The following OSBPL3 variants were observed in gnomAD, a reference collection of about 807,000 sequenced individuals.
OSBPL3 encodes oxysterol binding protein like 3.
A neutral mutation model predicts 120.1 loss-of-function variants in OSBPL3; 65 were observed. The ratio of observed to expected loss-of-function variants is 0.54; its 90% CI spans 0.44 to 0.67. The LOEUF is 0.67. Among genes scored for constraint, OSBPL3 ranks in the 30% least tolerant of loss-of-function variants. The pLI is 0.00. For synonymous variants in OSBPL3, 416 were observed against 402.6 expected, an observed-to-expected ratio of 1.03 and a Z score of -0.40; for missense variants, 1,004 against 1,082.1, an observed-to-expected ratio of 0.93 and a Z score of 1.01.
chr7:24,876,417 T>A (rs1802845127), intron 2 of OSBPL3, among the ~76,000 whole-genome samples: 2 of 104,108 alleles, frequency 1.9e-5, no homozygotes, highest in African/African-American at 7.3e-5. Context: ...AATTAACTTC[T>A]AAGGTTTTTT....
At chr7:24,811,037 T>C (rs1307283151) in intron 19 of OSBPL3, among the ~76,000 whole-genome samples, 4 of 152,370 alleles carry the variant, frequency 2.6e-5, no homozygotes, top group Non-Finnish European at 5.9e-5. Flanking sequence ...CCTATGGATA[T>C]ACACCCAGTA....
In OSBPL3 at chr7:24,872,615, T is replaced by G. The variant is rs1802327624; in HGVS notation, c.97-546A>C. Among the ~76,000 whole-genome samples the G allele has an allele frequency of 6.6e-6, 1 of 152,166 alleles. No individual in the cohort carries two copies. The highest frequency in any genetic ancestry group is 6.5e-5 in the Admixed American group (1 of 15,272). On this transcript the variant is annotated intron_variant, in intron 2 of 22. Coordinates refer to ENST00000313367, the MANE Select transcript of OSBPL3 (RefSeq NM_015550.4). This position sits in a 1 kb window ranked among gnomAD's most constrained non-coding sequence, Gnocchi z 4.1. ...TCAGCATCCACAAATTCTAGGTATT[T>G]AAATGTACTGGAAATCTGGAAGCAT...
rs1795136863 is a variant in OSBPL3 at position 24,821,541 on chromosome 7, A to T, written c.1885-1303T>A. Among the ~76,000 whole-genome samples, 1 of 152,178 alleles carries T rather than the reference A, an allele frequency of 6.6e-6. No homozygotes were observed. The highest frequency in any genetic ancestry group is 1.5e-5 in the Non-Finnish European group (1 of 68,022). On this transcript the variant is annotated intron_variant, in intron 16 of 22. Coordinates refer to ENST00000313367, the MANE Select transcript of OSBPL3 (RefSeq NM_015550.4). The surrounding 1 kb of genome is among the most constrained non-coding windows in gnomAD (Gnocchi z 5.5). The stretch of plus-strand genomic sequence containing the variant: ...TACTTCTGTATGCCAGGCCTCCAGC[A>T]GGAGGACTGCACGGCTGGGAGGATG...
At position 24,946,440 on chromosome 7, in the gene OSBPL3, C is replaced by G. The variant is rs1313575916; in HGVS notation, c.-150+33446G>C. Reference sequence around the variant, plus strand: ...ACTTCTGGTCAGTTTTTAAAACTTCCACAGTGCTTAAAGGGGTAAGTTTCC... The same window carrying G: ...ACTTCTGGTCAGTTTTTAAAACTTCGACAGTGCTTAAAGGGGTAAGTTTCC... On this transcript the variant is annotated intron_variant, in intron 1 of 22. Coordinates refer to ENST00000313367, the MANE Select transcript of OSBPL3 (RefSeq NM_015550.4). The surrounding 1 kb of genome is among the most constrained non-coding windows in gnomAD (Gnocchi z 4.3). Among the ~76,000 whole-genome samples, 1 of 152,050 alleles carries G rather than the reference C, an allele frequency of 6.6e-6. No homozygotes were observed. Among genetic ancestry groups the G allele is most frequent in the Non-Finnish European group, 1.5e-5 (1 of 68,012 alleles).
intron 1 of OSBPL3, among the ~76,000 whole-genome samples, chr7:24,929,020 C>T (rs1014840629): frequency 1.3e-4 from 20 of 152,152 alleles, no homozygotes; most frequent in African/African-American, 4.3e-4. Context: ...AGCAGTACGA[C>T]GGGCCAGAGG....
At chr7:24,812,569 T>C (rs532806047) in intron 19 of OSBPL3, among the ~76,000 whole-genome samples, 1 of 152,256 alleles carries the variant, frequency 6.6e-6, no homozygotes, top group South Asian at 2.1e-4. Context: ...GTTTGTTTTT[T>C]GTTTTTCAAA....
chr7:24,820,485 G>A lies in OSBPL3; in HGVS notation c.1885-247C>T, dbSNP rs1222782963. 6.6e-6 allele frequency among the ~76,000 whole-genome samples: 1 copy of A among 152,160 alleles called. No homozygotes were observed. The highest frequency in any genetic ancestry group is 1.9e-4 in the East Asian group (1 of 5,192). On this transcript the variant is annotated intron_variant, in intron 16 of 22. Coordinates refer to ENST00000313367, the MANE Select transcript of OSBPL3 (RefSeq NM_015550.4). This position sits in a 1 kb window ranked among gnomAD's most constrained non-coding sequence, Gnocchi z 4.6. ...CGGAAGCCTCCAGAAGCCTCCGTGG[G>A]AGGGCGGCCAGGTGGCGAGTGATGA... is the stretch of plus-strand genomic sequence containing the variant.
intron 22 of OSBPL3, among the ~76,000 whole-genome samples, chr7:24,801,142 G>A (rs372545115): frequency 1.0e-4 from 15 of 149,698 alleles, no homozygotes; most frequent in East Asian, 4.0e-4. Flanking sequence ...TCAAGAGGCC[G>A]AGGCAGGAGA....
At chr7:24,969,427 C>T (rs113530711) in intron 1 of OSBPL3, among the ~76,000 whole-genome samples, 2 of 152,028 alleles carry the variant, frequency 1.3e-5, no homozygotes, top group African/African-American at 4.8e-5. Context: ...GTGTTGATTG[C>T]CTTTTGACAT....
At chr7:24,878,761 G>GCT (rs1803219515) in intron 2 of OSBPL3, among the ~76,000 whole-genome samples, 1 of 152,198 alleles carries the variant, frequency 6.6e-6, no homozygotes, top group Non-Finnish European at 1.5e-5. Context: ...TAGTGTATGA[G>GCT]CTCTCACTCA....
intron 1 of OSBPL3, among the ~76,000 whole-genome samples, chr7:24,908,279 T>C (rs1204047055): frequency 6.6e-6 from 1 of 152,190 alleles, no homozygotes; most frequent in African/African-American, 2.4e-5. Flanking sequence ...TCAGTCTTCT[T>C]AAAAATTAAA....
At chr7:24,905,439 G>T (rs539073415) in intron 1 of OSBPL3, among the ~76,000 whole-genome samples, 6 of 152,244 alleles carry the variant, frequency 3.9e-5, no homozygotes, top group Non-Finnish European at 8.8e-5. Context: ...AGTGAGATAG[G>T]TATCAGAAAA....
At chr7:24,895,050 G>A (rs1439017895) in intron 1 of OSBPL3, among the ~76,000 whole-genome samples, 1 of 152,190 alleles carries the variant, frequency 6.6e-6, no homozygotes, top group African/African-American at 2.4e-5. Flanking sequence ...GCCACAAGGT[G>A]GAGTTTTGGG....
chr7:24,826,023 A>G (rs181858982), intron 16 of OSBPL3, among the ~76,000 whole-genome samples: 18 of 152,328 alleles, frequency 1.2e-4, no homozygotes, highest in Admixed American at 1.2e-3. Flanking sequence ...TTTCAACACC[A>G]AACCTTTCCC....
chr7:24,979,141 T>C (rs1344056809), intron 1 of OSBPL3, among the ~76,000 whole-genome samples: 4 of 152,038 alleles, frequency 2.6e-5, no homozygotes, highest in South Asian at 2.1e-4. Flanking sequence ...AACCCAACTG[T>C]AGACAACGTT....
chr7:24,829,495 C>G (rs1382351484), intron 16 of OSBPL3, among the ~76,000 whole-genome samples: 1 of 152,116 alleles, frequency 6.6e-6, no homozygotes, highest in Non-Finnish European at 1.5e-5. Flanking sequence ...CTCAGCCAAC[C>G]CACGCTTCCC....
intron 1 of OSBPL3, among the ~76,000 whole-genome samples, chr7:24,911,384 T>G (rs764922033): frequency 6.6e-6 from 1 of 152,194 alleles, no homozygotes; most frequent in African/African-American, 2.4e-5. Context: ...AGACTATCAA[T>G]TGAGTTACTA....
chr7:24,920,977 G>C (rs990135381), intron 1 of OSBPL3, among the ~76,000 whole-genome samples: 2 of 152,080 alleles, frequency 1.3e-5, no homozygotes, highest in African/African-American at 4.8e-5. Context: ...AATGAACCTG[G>C]GGTCTTCTAA....
chr7:24,860,677 T>C (rs1468748556), intron 10 of OSBPL3, among the ~76,000 whole-genome samples: 1 of 152,206 alleles, frequency 6.6e-6, no homozygotes, highest in Non-Finnish European at 1.5e-5. Flanking sequence ...ACACCTATAC[T>C]ATGTAATGTT....
Sources: gnomAD v4.1 joint callset for allele counts (sites outside exome capture counted in the v4.1 genomes callset) on GRCh38, gnomAD v4.1.1 for gene constraint, Gnocchi (gnomAD v3.1) non-coding constraint, MANE v1.5 for transcripts, NCBI Gene and HGNC (gene_info 2026-07-23, HGNC 2026-07-21) for gene names.